PCDHGB3: variants seen among roughly 807,000 people sequenced by gnomAD.
The protein encoded by PCDHGB3 is protocadherin gamma subfamily B, 3.
PCDHGB3 carries 40 observed loss-of-function variants against 59.2 expected under a neutral mutation model. The ratio of observed to expected loss-of-function variants is 0.68; its 90% CI spans 0.52 to 0.88. The LOEUF is 0.88. PCDHGB3 is among the 40% of genes least tolerant of loss of function. The pLI, the probability that PCDHGB3 is intolerant of heterozygous loss-of-function variation, is 0.00. For synonymous variants in PCDHGB3, 581 were observed against 503.6 expected, an observed-to-expected ratio of 1.15 and a Z score of -2.06; for missense variants, 1,309 against 1,187.9, an observed-to-expected ratio of 1.10 and a Z score of -1.50.
At chr5:141,386,155 C>T (rs763846568) in intron 1 of PCDHGB3, among the ~76,000 whole-genome samples, 3 of 152,278 alleles carry the variant, frequency 2.0e-5, no homozygotes, top group South Asian at 2.1e-4. Flanking sequence ...AACTGTCTCA[C>T]GTACTCAAAC....
At chr5:141,376,679 T>TTTTTG in intron 1 of PCDHGB3, 5 of 528,402 alleles carry the variant, frequency 9.5e-6, no homozygotes, top group Admixed American at 9.3e-5. Context: ...GGGTATCGTT[T>TTTTTG]TTTTTTTTTT....
chr5:141,370,911 A>C lies in PCDHGB3; in HGVS notation c.517A>C (p.Ser173Arg), dbSNP rs1463962287. Residue 173 changes from serine (S) to arginine (R), a missense_variant, in exon 1 of 4, where the codon AGC becomes CGC. By Grantham distance (110) the Ser-to-Arg change is moderately radical. Transcript: ENST00000576222. ...CAATTCGCTGCAGCAGTACTACCTCAGCCCTGATCCGCACTTCTCTTTGAT... is the reference window on the plus strand; with the variant it reads ...CAATTCGCTGCAGCAGTACTACCTCCGCCCTGATCCGCACTTCTCTTTGAT... ...GVNSLQQYYL[S>R]PDPHFSLIQK... 3.7e-6 allele frequency: 6 copies of C among 1,613,916 alleles called. No homozygotes were observed. In the Admixed American group the frequency reaches 1.0e-4, roughly 27 times the overall value.
At position 141,493,726 on chromosome 5, in the gene PCDHGB3, G is replaced by C. The variant is rs1032021616; in HGVS notation, c.2416-1081G>C. ...CTGGAATGCTAGGTTTCTGGGTTCT[G>C]CTCATATCACTGCCACCTGTGAGCC... On this transcript the variant is annotated intron_variant, in intron 1 of 3. Coordinates refer to ENST00000576222, the MANE Select transcript of PCDHGB3 (RefSeq NM_018924.5). This position sits in a 1 kb window ranked among gnomAD's most constrained non-coding sequence, Gnocchi z 4.3. Among the ~76,000 whole-genome samples, 2 of 152,154 alleles carry C rather than the reference G, an allele frequency of 1.3e-5. No individual in the cohort carries two copies. Among genetic ancestry groups the C allele is most frequent in the African/African-American group, 4.8e-5 (2 of 41,438 alleles).
intron 2 of PCDHGB3, among the ~76,000 whole-genome samples, chr5:141,497,880 T>C (rs2099780200): frequency 6.6e-6 from 1 of 152,170 alleles, no homozygotes; most frequent in Non-Finnish European, 1.5e-5. Context: ...GAAATAAGCG[T>C]TAGGATCTAG....
At chr5:141,384,640 T>C (rs1780304566) in intron 1 of PCDHGB3, 1 of 1,613,956 alleles carries the variant, frequency 6.2e-7, no homozygotes, top group Admixed American at 1.7e-5. Context: ...GGCACCCCGC[T>C]CCGCAGAGCC....
At position 141,372,041 on chromosome 5, in the gene PCDHGB3, C is replaced by A. The variant is rs779511565; in HGVS notation, c.1647C>A (p.Arg549=). ...SPTLSANVSL[R]VLVDDRNDNA... is the part of the protein sequence containing the mutation. ...CGCTCAGCGCCAACGTGAGCCTGCGCGTGTTGGTGGACGACCGCAACGACA... is the reference window on the plus strand; with the variant it reads ...CGCTCAGCGCCAACGTGAGCCTGCGAGTGTTGGTGGACGACCGCAACGACA... The change falls in exon 1 of 4, where the codon CGC becomes CGA. Residue 549 remains arginine, a synonymous_variant. Transcript: ENST00000576222. The A allele has an allele frequency of 6.2e-7, 1 of 1,613,374 alleles. No individual in the cohort carries two copies. Among genetic ancestry groups the A allele is most frequent in the Non-Finnish European group, 8.5e-7 (1 of 1,179,786 alleles).
chr5:141,387,194 G>T (rs867598874), intron 1 of PCDHGB3, among the ~76,000 whole-genome samples: 1 of 152,178 alleles, frequency 6.6e-6, no homozygotes, highest in Non-Finnish European at 1.5e-5. Flanking sequence ...GGCAATTTTG[G>T]TATTACTGAT....
chr5:141,457,574 T>C (rs992522039), intron 1 of PCDHGB3, among the ~76,000 whole-genome samples: 2 of 152,238 alleles, frequency 1.3e-5, no homozygotes, highest in Non-Finnish European at 2.9e-5. Context: ...AAAATTTTTC[T>C]CTCCAGTCCT....
intron 1 of PCDHGB3, chr5:141,389,522 G>T (rs983186726): frequency 5.0e-6 from 8 of 1,613,060 alleles, no homozygotes; most frequent in Middle Eastern, 3.3e-4. Flanking sequence ...ACGTGAGCCT[G>T]CGCGTGTTAG....
chr5:141,375,335 TACA>T, intron 1 of PCDHGB3: 1 of 1,613,812 alleles, frequency 6.2e-7, no homozygotes, highest in Non-Finnish European at 8.5e-7. Flanking sequence ...GGTATTCTTG[TACA>T]ACATCACTGT....
chr5:141,487,006 G>A lies in PCDHGB3; in HGVS notation c.2416-7801G>A. ...ATGCTTGGGTTTCCTATCAGCTCCT[G>A]GAGGCCCCAGATCCCAGCCTGTTTG... On this transcript the variant is annotated intron_variant, in intron 1 of 3. Transcript: ENST00000576222. This position sits in a 1 kb window ranked among gnomAD's most constrained non-coding sequence, Gnocchi z 5.0. 1 of 1,614,206 alleles carries A rather than the reference G, an allele frequency of 6.2e-7. No homozygotes were observed. The highest frequency in any genetic ancestry group is 8.5e-7 in the Non-Finnish European group (1 of 1,180,042).
intron 1 of PCDHGB3, chr5:141,382,754 G>A: frequency 1.6e-6 from 1 of 636,380 alleles, no homozygotes; most frequent in East Asian, 2.7e-5. Context: ...ATTGCGATAA[G>A]CCCTCTTCCA....
chr5:141,496,839 A>G (rs2099771783), intron 2 of PCDHGB3, among the ~76,000 whole-genome samples: 1 of 151,484 alleles, frequency 6.6e-6, no homozygotes. Flanking sequence ...CAGAACTCAT[A>G]GGCTTCCAGA....
At chr5:141,388,612 G>T in intron 1 of PCDHGB3, 1 of 1,613,954 alleles carries the variant, frequency 6.2e-7, no homozygotes, top group Non-Finnish European at 8.5e-7. Flanking sequence ...CCAGTGTTCA[G>T]TCAAGACGTA....
intron 1 of PCDHGB3, among the ~76,000 whole-genome samples, chr5:141,481,426 A>G (rs1431602618): frequency 6.6e-6 from 1 of 152,238 alleles, no homozygotes; most frequent in Non-Finnish European, 1.5e-5. Flanking sequence ...TGTGATGATG[A>G]TTGTATCAGT....
intron 1 of PCDHGB3, chr5:141,440,945 A>T (rs1210278728): frequency 2.6e-5 from 4 of 152,234 alleles, no homozygotes; most frequent in African/African-American, 9.7e-5. Flanking sequence ...CCAGGACTAG[A>T]GTGTCAAGGC....
chr5:141,398,367 G>A, intron 1 of PCDHGB3: 1 of 1,430,476 alleles, frequency 7.0e-7, no homozygotes, highest in Non-Finnish European at 9.7e-7. Context: ...TGAGCGCAGA[G>A]AGCGGGGAGT....
rs757755103 is a variant in PCDHGB3 at position 141,432,638 on chromosome 5, C to A, written c.2415+59829C>A. On this transcript the variant is annotated intron_variant, in intron 1 of 3. Coordinates refer to ENST00000576222, the MANE Select transcript of PCDHGB3 (RefSeq NM_018924.5). The surrounding 1 kb of genome is among the most constrained non-coding windows in gnomAD (Gnocchi z 6.0). ...GGTGGGTCTGCACACGGGCGAGGTG[C>A]GCACGGCGCGAGCCCTGCTGGACAG... The A allele has an allele frequency of 6.2e-6, 10 of 1,613,810 alleles. No homozygotes were observed. Among genetic ancestry groups the A allele is most frequent in the African/African-American group, 1.3e-5 (1 of 75,064 alleles).
intron 1 of PCDHGB3, among the ~76,000 whole-genome samples, chr5:141,449,290 G>A (rs1255760925): frequency 1.3e-5 from 2 of 151,934 alleles, no homozygotes; most frequent in Admixed American, 6.6e-5. Context: ...CGGATGCACC[G>A]GGTGAATTAT....
Sources: allele counts gnomAD v4.1 joint callset (sites outside exome capture counted in the v4.1 genomes callset), GRCh38; gene constraint gnomAD v4.1.1; non-coding constraint Gnocchi (gnomAD v3.1); transcripts MANE v1.5; gene names NCBI Gene and HGNC (gene_info 2026-07-23, HGNC 2026-07-21).